Variants in USP25 observed in about 807,000 individuals in gnomAD.
USP25 encodes ubiquitin carboxyl-terminal hydrolase 25.
In USP25, 85 loss-of-function variants were observed where a neutral mutation model predicts 158.5. The ratio of observed to expected loss-of-function variants is 0.54; its 90% CI spans 0.45 to 0.64. The LOEUF (loss-of-function observed/expected upper bound fraction) is 0.64, where lower values mean the gene tolerates loss of function less well. Ranked by LOEUF, USP25 falls within the 30% of genes least tolerant of loss-of-function variation. USP25 has a pLI of 0.00. For synonymous variants in USP25, 464 were observed against 460.4 expected, an observed-to-expected ratio of 1.01 and a Z score of -0.10; for missense variants, 1,242 against 1,327.3, an observed-to-expected ratio of 0.94 and a Z score of 1.00.
intron 5 of USP25, among the ~76,000 whole-genome samples, chr21:15,797,649 A>G (rs1275536422): frequency 6.6e-6 from 1 of 151,388 alleles, no homozygotes; most frequent in Non-Finnish European, 1.5e-5. Flanking sequence ...CTCAGAGAAT[A>G]GAAGTGGGAT....
At position 15,755,779 on chromosome 21, in the gene USP25, A is replaced by T. The variant is rs1280216206; in HGVS notation, c.46-7112A>T. On this transcript the variant is annotated intron_variant, in intron 1 of 25. Transcript: ENST00000400183. Reference sequence around the variant, plus strand: ...AGAAAGTGCATACAAATTTATTGACATGGAAGCATGGGTGGGAGCTACAAA... The same window carrying T: ...AGAAAGTGCATACAAATTTATTGACTTGGAAGCATGGGTGGGAGCTACAAA... Among the ~76,000 whole-genome samples the T allele has an allele frequency of 2.0e-5, 3 of 152,224 alleles. No homozygotes were observed. In the East Asian group the frequency reaches 5.8e-4, roughly 29 times the overall value.
At chr21:15,840,342 T>G (rs1041571432) in intron 17 of USP25, among the ~76,000 whole-genome samples, 1 of 152,196 alleles carries the variant, frequency 6.6e-6, no homozygotes, top group African/African-American at 2.4e-5. Context: ...GAATGTATAT[T>G]TATCAGATTT....
chr21:15,838,444 G>A (rs1422607374), intron 17 of USP25, among the ~76,000 whole-genome samples: 1 of 151,992 alleles, frequency 6.6e-6, no homozygotes, highest in African/African-American at 2.4e-5. Context: ...ATGGGGTGAG[G>A]ATGTAGCTCT....
chr21:15,817,509 T>C (rs1436326717), intron 9 of USP25, among the ~76,000 whole-genome samples: 2 of 152,140 alleles, frequency 1.3e-5, no homozygotes, highest in Non-Finnish European at 1.5e-5. Context: ...TCAGTGACTG[T>C]ATTAGTCCAT....
chr21:15,859,469 A>G (rs2039318412), intron 20 of USP25, among the ~76,000 whole-genome samples: 1 of 152,150 alleles, frequency 6.6e-6, no homozygotes, highest in Non-Finnish European at 1.5e-5. Flanking sequence ...TGCTGGGATT[A>G]CAGGCGTGAG....
rs2037521087 is a variant in USP25, at chr21:15,826,701, A to G, written c.1467-276A>G. 6.6e-6 allele frequency among the ~76,000 whole-genome samples: 1 copy of G among 152,228 alleles called. No individual in the cohort carries two copies. The highest frequency in any genetic ancestry group is 2.1e-4 in the South Asian group (1 of 4,836). ...ATTTGTTTCTGTAATGTAAGCTGATAAGCCAGGGAAAATAATATCACCATG... is the reference window on the plus strand; with the variant it reads ...ATTTGTTTCTGTAATGTAAGCTGATGAGCCAGGGAAAATAATATCACCATG... On this transcript the variant is annotated intron_variant, in intron 13 of 25. Transcript: ENST00000400183. The surrounding 1 kb of genome is among the most constrained non-coding windows in gnomAD (Gnocchi z 4.8).
At position 15,827,063 on chromosome 21, in the gene USP25, T is replaced by C. The variant is rs1269489184; in HGVS notation, c.1553T>C (p.Ile518Thr). ...SVAAISSRSVIHKPFTQSRIP... is the reference protein window; with the variant it reads ...SVAAISSRSVTHKPFTQSRIP... ...GCTGCCATTTCATCGAGATCAGTAATACACAAACCATTTACTCAGTCCCGG... is the reference window on the plus strand; with the variant it reads ...GCTGCCATTTCATCGAGATCAGTAACACACAAACCATTTACTCAGTCCCGG... Residue 518 changes from isoleucine to threonine, a missense_variant, in exon 14 of 26, where the codon ATA becomes ACA. Physicochemically the swap from Ile to Thr is moderately conservative, Grantham distance 89 (BLOSUM62 -1). Coordinates refer to ENST00000400183, the MANE Select transcript of USP25 (RefSeq NM_001283041.3). 1.9e-6 allele frequency: 3 copies of C among 1,614,182 alleles called. No homozygotes were observed.
chr21:15,777,672 G>T (rs1310765620), intron 3 of USP25, among the ~76,000 whole-genome samples: 1 of 152,090 alleles, frequency 6.6e-6, no homozygotes, highest in Non-Finnish European at 1.5e-5. Context: ...CTTCTACAGT[G>T]AAATATATTT....
chr21:15,827,239 C>G, intron 14 of USP25, 36 bp downstream of exon 14: 4 of 1,498,370 alleles, frequency 2.7e-6, no homozygotes, highest in Non-Finnish European at 3.7e-6. Flanking sequence ...ACTGTCACCT[C>G]AGATGGATAT....
At chr21:15,795,874 A>G (rs759410474) in intron 5 of USP25, among the ~76,000 whole-genome samples, 2 of 151,396 alleles carry the variant, frequency 1.3e-5, no homozygotes, top group Non-Finnish European at 3.0e-5. Context: ...ATGTGATACC[A>G]TGCTAATTTT....
At chr21:15,732,912 G>A (rs1465908812) in intron 1 of USP25, among the ~76,000 whole-genome samples, 1 of 152,066 alleles carries the variant, frequency 6.6e-6, no homozygotes, top group African/African-American at 2.4e-5. Context: ...CCAACCCAGG[G>A]ACTTATGAGA....
At chr21:15,774,582 T>C (rs754646969) in intron 3 of USP25, among the ~76,000 whole-genome samples, 2 of 152,164 alleles carry the variant, frequency 1.3e-5, no homozygotes, top group Non-Finnish European at 2.9e-5. Context: ...AAAATTGCAT[T>C]CCATGGGAAA....
At chr21:15,831,904 A>T (rs542078769) in intron 16 of USP25, among the ~76,000 whole-genome samples, 1 of 152,298 alleles carries the variant, frequency 6.6e-6, no homozygotes, top group East Asian at 1.9e-4. Context: ...CTCACATTTA[A>T]TATTTAATTC....
At chr21:15,867,147 CTTTAT>C (rs2039692718) in intron 22 of USP25, among the ~76,000 whole-genome samples, 1 of 151,904 alleles carries the variant, frequency 6.6e-6, no homozygotes, top group African/African-American at 2.4e-5. Flanking sequence ...TTAAAATATT[CTTTAT>C]TTTAATTGAT....
At chr21:15,833,607 T>C (rs751272955) in intron 17 of USP25, 59 bp downstream of exon 17, 4 of 1,434,556 alleles carry the variant, frequency 2.8e-6, no homozygotes, top group Non-Finnish European at 3.8e-6. Context: ...TAATAAGATA[T>C]GCTCATTATT....
Position 15,826,444 on chromosome 21 carries a change from T to G in USP25, c.1466+79T>G, listed in dbSNP as rs1313944829. ...GTAACTGCTGCCTTTAAAGACAGTT[T>G]CTATAAAATGTATGCTTTGATTTAC... is the stretch of plus-strand genomic sequence containing the variant. On this transcript the variant is annotated intron_variant, in intron 13 of 25. Transcript: ENST00000400183. This position sits in a 1 kb window ranked among gnomAD's most constrained non-coding sequence, Gnocchi z 4.8. 1.1e-5 allele frequency: 16 copies of G among 1,507,516 alleles called. No individual in the cohort carries two copies. Among genetic ancestry groups the G allele is most frequent in the African/African-American group, 4.1e-5 (3 of 72,530 alleles). 93.4% of individuals were successfully genotyped at this position (1,507,516 alleles called of 1,614,324 possible). A position where few individuals can be genotyped will look rare whatever the true frequency, so the allele number is the denominator to read the frequency against.
At chr21:15,854,163 T>TTGTTTTGTTC (rs201569772) in intron 20 of USP25, among the ~76,000 whole-genome samples, 3 of 152,084 alleles carry the variant, frequency 2.0e-5, no homozygotes, top group Admixed American at 6.6e-5. Flanking sequence ...TTGTTTTGTT[T>TTGTTTTGTTC]GAGGCAAAGT....
rs185295001 is a variant in USP25, at chr21:15,879,795, T to C, written c.*1320T>C. The stretch of plus-strand genomic sequence containing the variant: ...AAAGATCCTGGATGGAGGAGTAAGA[T>C]GAAATATTATGCTATTATATGATGC... On this transcript the variant is annotated 3_prime_UTR_variant, in exon 26 of 26. Coordinates refer to ENST00000400183, the MANE Select transcript of USP25 (RefSeq NM_001283041.3). 7.0e-4 allele frequency: 107 copies of C among 152,738 alleles called. No individual in the cohort carries two copies. Among genetic ancestry groups the C allele is most frequent in the African/African-American group, 2.4e-3 (98 of 41,592 alleles). The allele number at this position is 152,738 out of a possible 1,614,324, so 9.5% of individuals were successfully genotyped here. A position where few individuals can be genotyped will look rare whatever the true frequency, so the allele number is the denominator to read the frequency against.
chr21:15,819,544 A>G (rs1196864719), intron 10 of USP25, among the ~76,000 whole-genome samples: 3 of 152,134 alleles, frequency 2.0e-5, no homozygotes, highest in Non-Finnish European at 2.9e-5. Flanking sequence ...GTTAAACTCC[A>G]TGAATGTGGC....
Sources: allele counts gnomAD v4.1 joint callset (sites outside exome capture counted in the v4.1 genomes callset), GRCh38; gene constraint gnomAD v4.1.1; non-coding constraint Gnocchi (gnomAD v3.1); transcripts MANE v1.5; gene names NCBI Gene and HGNC (gene_info 2026-07-23, HGNC 2026-07-21).